PUM2: variants seen among roughly 807,000 people sequenced by gnomAD.
The protein encoded by PUM2 is pumilio homolog 2.
In PUM2, 57 loss-of-function variants were observed where a neutral mutation model predicts 124.5. The ratio of observed to expected loss-of-function variants is 0.46; its 90% confidence interval spans 0.37 to 0.57. The LOEUF (loss-of-function observed/expected upper bound fraction) is 0.57, where lower values mean the gene tolerates loss of function less well. Ranked by LOEUF, PUM2 falls within the 20% of genes least tolerant of loss-of-function variation. The probability of loss-of-function intolerance (pLI) is 0.00; values close to 1 mark genes in which losing one functional copy is unlikely to be tolerated. For synonymous variants in PUM2, 460 were observed against 446.1 expected, an observed-to-expected ratio of 1.03 and a Z score of -0.39; for missense variants, 1,065 against 1,290.6, an observed-to-expected ratio of 0.83 and a Z score of 2.68.
In PUM2 at chr2:20,254,030, G is replaced by C. The variant is rs762634645; in HGVS notation, c.2871-16C>G. ...TACTACATTGCTAAAAATTAAAGCA[G>C]ATAAACAAAGATTTGTTATTTTTTT... is the stretch of plus-strand genomic sequence containing the variant. On this transcript the variant is annotated splice_polypyrimidine_tract_variant and intron_variant, in intron 19 of 20. Transcript: ENST00000361078. 1 of 1,583,452 alleles carries C rather than the reference G, an allele frequency of 6.3e-7. No individual in the cohort carries two copies.
intron 17 of PUM2, among the ~76,000 whole-genome samples, chr2:20,255,670 A>C (rs1477154734): frequency 1.3e-5 from 2 of 152,204 alleles, no homozygotes; most frequent in African/African-American, 4.8e-5. Context: ...ATTACTATGT[A>C]TTAGTTACAA....
rs556153830 is a variant in PUM2 at position 20,276,161 on chromosome 2, A to T, written c.1957+2422T>A. On this transcript the variant is annotated intron_variant, in intron 13 of 20. Coordinates refer to ENST00000361078, the MANE Select transcript of PUM2 (RefSeq NM_015317.5). ...ATAAAAAAATTAACACCCCAAAACTATGCACTGAAATTCTTATACTTCAAC... is the reference window on the plus strand; with the variant it reads ...ATAAAAAAATTAACACCCCAAAACTTTGCACTGAAATTCTTATACTTCAAC... Among the ~76,000 whole-genome samples the T allele has an allele frequency of 6.6e-5, 10 of 152,134 alleles. No homozygotes were observed. In the South Asian group the frequency reaches 1.9e-3, roughly 28 times the overall value.
chr2:20,346,596 T>A (rs1267955530), intron 1 of PUM2, among the ~76,000 whole-genome samples: 1 of 152,204 alleles, frequency 6.6e-6, no homozygotes, highest in African/African-American at 2.4e-5. Flanking sequence ...CACTTTGAGA[T>A]CCAGAACTTC....
At chr2:20,301,449 G>A (rs1363848061) in intron 7 of PUM2, among the ~76,000 whole-genome samples, 1 of 152,146 alleles carries the variant, frequency 6.6e-6, no homozygotes, top group Non-Finnish European at 1.5e-5. Flanking sequence ...AAATCCTCAT[G>A]TAACCTTTCC....
intron 19 of PUM2, 97 bp downstream of exon 19, chr2:20,254,766 C>T (rs1007175384): frequency 8.1e-7 from 1 of 1,242,102 alleles, no homozygotes; most frequent in African/African-American, 1.5e-5. Context: ...AAAAAGACTA[C>T]AGTTTAATGC....
At chr2:20,253,179 A>G (rs779833915) in intron 20 of PUM2, among the ~76,000 whole-genome samples, 21 of 152,154 alleles carry the variant, frequency 1.4e-4, no homozygotes, top group Non-Finnish European at 2.6e-4. Flanking sequence ...TGAGAAATGA[A>G]TATGATTCCT....
chr2:20,308,594 G>C lies in PUM2; in HGVS notation c.519-10C>G, dbSNP rs1267161388. Reference sequence around the variant, plus strand: ...ACTTCCAGGAGTACGACTACATAAAGAAAATAGAAAAGCATTATGAATAAA... The same window carrying C: ...ACTTCCAGGAGTACGACTACATAAACAAAATAGAAAAGCATTATGAATAAA... On this transcript the variant is annotated splice_polypyrimidine_tract_variant and intron_variant, in intron 5 of 20. Transcript: ENST00000361078. The C allele has an allele frequency of 1.9e-6, 3 of 1,579,176 alleles. No individual in the cohort carries two copies. The highest frequency in any genetic ancestry group is 2.6e-6 in the Non-Finnish European group (3 of 1,165,436).
At chr2:20,318,706 A>C (rs1239068361) in intron 2 of PUM2, 61 bp from the exon 3 acceptor site, 1 of 1,243,322 alleles carries the variant, frequency 8.0e-7, no homozygotes, top group Non-Finnish European at 1.2e-6. Flanking sequence ...AATATATAAG[A>C]AGTCTCAAAC....
At chr2:20,332,282 AGTGTGTGTGTGTGTGTGTGTGT>A (rs55986830) in intron 1 of PUM2, among the ~76,000 whole-genome samples, 4 of 145,370 alleles carry the variant, frequency 2.8e-5, no homozygotes, top group South Asian at 2.2e-4. Flanking sequence ...ATACTACTAG[AGTGTGTGTGTGTGTGTGTGTGT>A]GTGTGTGTGT....
In PUM2 at chr2:20,256,052, A is replaced by C. The variant is rs758124571; in HGVS notation, c.2603T>G (p.Ile868Ser). ...CVQPQSLQFI[I>S]DAFKGQVFVL... The stretch of plus-strand genomic sequence containing the variant: ...ACATACTTGTCCCTTGAAAGCATCA[A>C]TGATGAACTGTAGTGACTGTGGCTG... The change falls in exon 17 of 21, where the codon ATT becomes AGT. Residue 868 changes from isoleucine to serine, a missense_variant. Ile to Ser is a moderately radical substitution (Grantham distance 142). Coordinates refer to ENST00000361078, the MANE Select transcript of PUM2 (RefSeq NM_015317.5). 1.9e-6 allele frequency: 3 copies of C among 1,574,342 alleles called. No individual in the cohort carries two copies. The South Asian group carries it at 3.6e-5, about 19-fold the overall frequency.
intron 2 of PUM2, among the ~76,000 whole-genome samples, chr2:20,319,160 A>G (rs1681707956): frequency 6.6e-6 from 1 of 152,246 alleles, no homozygotes; most frequent in South Asian, 2.1e-4. Context: ...TGGATGGTAG[A>G]AAACATGCAT....
intron 1 of PUM2, among the ~76,000 whole-genome samples, chr2:20,331,475 C>T (rs1684895268): frequency 6.6e-6 from 1 of 152,046 alleles, no homozygotes; most frequent in South Asian, 2.1e-4. Flanking sequence ...CGGCCAGTAG[C>T]CTTAAAGCTG....
intron 10 of PUM2, among the ~76,000 whole-genome samples, chr2:20,285,409 A>G (rs1672497365): frequency 1.3e-5 from 2 of 152,224 alleles, no homozygotes; most frequent in South Asian, 4.1e-4. Flanking sequence ...AATGAAAAGC[A>G]AAGCTCTGAA....
rs771164497 is a variant in PUM2 at position 20,263,229 on chromosome 2, T to C, written c.2189A>G (p.His730Arg). The C allele has an allele frequency of 1.2e-6, 2 of 1,603,068 alleles. No individual in the cohort carries two copies. Among genetic ancestry groups the C allele is most frequent in the Non-Finnish European group, 1.7e-6 (2 of 1,169,952 alleles). ...CTGGTCTTGAGAAAACTCAACTATA[T>C]GTCCAATCAAGTCTCTAAGCTGAAG... ...PNLQLRDLIG[H>R]IVEFSQDQHG... Residue 730 changes from histidine to arginine, a missense_variant, in exon 14 of 21, where the codon CAT (histidine) becomes CGT (arginine). By Grantham distance (29) the His-to-Arg change is conservative (BLOSUM62 0). Coordinates refer to ENST00000361078, the MANE Select transcript of PUM2 (RefSeq NM_015317.5).
At chr2:20,259,197 T>G in intron 15 of PUM2, among the ~76,000 whole-genome samples, 1 of 152,266 alleles carries the variant, frequency 6.6e-6, no homozygotes, top group East Asian at 1.9e-4. Context: ...TACCAAAGAT[T>G]GACTACCAAT....
chr2:20,305,057 G>C (rs561851376), intron 7 of PUM2, among the ~76,000 whole-genome samples: 2 of 152,112 alleles, frequency 1.3e-5, no homozygotes, highest in South Asian at 4.2e-4. Context: ...TTAAAATGTG[G>C]GGTCAATTTT....
intron 7 of PUM2, among the ~76,000 whole-genome samples, chr2:20,300,416 T>C (rs1034254008): frequency 3.9e-5 from 6 of 152,258 alleles, no homozygotes; most frequent in Non-Finnish European, 5.9e-5. Context: ...CCCAAAGTGC[T>C]GGGATTACAG....
intron 3 of PUM2, among the ~76,000 whole-genome samples, chr2:20,317,378 CTA>C (rs1681217485): frequency 6.6e-6 from 1 of 152,028 alleles, no homozygotes; most frequent in Non-Finnish European, 1.5e-5. Context: ...TCTGGGAGCT[CTA>C]TCTTACCAAG....
At chr2:20,321,688 AT>A (rs888393041) in intron 2 of PUM2, among the ~76,000 whole-genome samples, 4 of 152,156 alleles carry the variant, frequency 2.6e-5, no homozygotes, top group African/African-American at 4.8e-5. Flanking sequence ...AAAATAGGAG[AT>A]TTGCCCCTGG....
Sources: gnomAD v4.1 joint callset for allele counts (sites outside exome capture counted in the v4.1 genomes callset) on GRCh38, gnomAD v4.1.1 for gene constraint, MANE v1.5 for transcripts, NCBI Gene and HGNC (gene_info 2026-07-23, HGNC 2026-07-21) for gene names.